Variants in SYT1 observed in about 807,000 individuals in gnomAD.
The protein encoded by SYT1 is synaptotagmin 1.
In SYT1, 8 loss-of-function variants were observed where a neutral mutation model predicts 44.8. That is an observed-to-expected ratio of 0.18 (90% confidence interval 0.10 to 0.32). The LOEUF (loss-of-function observed/expected upper bound fraction) is 0.32, where lower values mean the gene tolerates loss of function less well. Ranked by LOEUF, SYT1 falls within the 10% of genes least tolerant of loss-of-function variation. The pLI, the probability that SYT1 is intolerant of heterozygous loss-of-function variation, is 1.00. For missense variants in SYT1, 286 were observed against 509.3 expected (o/e 0.56, Z 4.22); for synonymous variants, 154 against 188.8 (o/e 0.82, Z 1.51).
At position 79,297,090 on chromosome 12, in the gene SYT1, A is replaced by T. The variant is rs565570382; in HGVS notation, c.642+854A>T. On this transcript the variant is annotated intron_variant, in intron 7 of 10. Transcript: ENST00000261205. ...GCCTTGTGTTGGCAAACATTCTGGG[A>T]TGAAATAAATTGAAAATGAGGGCAT... Among the ~76,000 whole-genome samples the T allele has an allele frequency of 3.3e-5, 5 of 152,320 alleles. No individual in the cohort carries two copies. The East Asian group carries it at 9.6e-4, about 29-fold the overall frequency.
At chr12:78,885,039 G>A (rs756842399) in intron 1 of SYT1, among the ~76,000 whole-genome samples, 4 of 151,754 alleles carry the variant, frequency 2.6e-5, no homozygotes, top group Non-Finnish European at 5.9e-5. Context: ...GATACTATTT[G>A]CTTTTAGGTC....
At chr12:79,193,667 G>T (rs1873265143) in intron 3 of SYT1, among the ~76,000 whole-genome samples, 1 of 152,120 alleles carries the variant, frequency 6.6e-6, no homozygotes, top group African/African-American at 2.4e-5. Context: ...GTTCAAGGCT[G>T]CAGTGAGCTA....
At chr12:79,403,917 T>G (rs972325226) in intron 9 of SYT1, among the ~76,000 whole-genome samples, 3 of 152,202 alleles carry the variant, frequency 2.0e-5, no homozygotes, top group Non-Finnish European at 2.9e-5. Flanking sequence ...AGTTGCTTTA[T>G]TAAAAGAATG....
chr12:79,208,651 A>G (rs1874261898), intron 3 of SYT1, among the ~76,000 whole-genome samples: 1 of 152,122 alleles, frequency 6.6e-6, no homozygotes, highest in Non-Finnish European at 1.5e-5. Flanking sequence ...TAGTAGGGGG[A>G]AAAGAGATAT....
chr12:79,120,218 A>G (rs2138129484), intron 3 of SYT1, among the ~76,000 whole-genome samples: 1 of 152,272 alleles, frequency 6.6e-6, no homozygotes, highest in East Asian at 1.9e-4. Flanking sequence ...GGACAGAGCA[A>G]TTAATTTATA....
intron 9 of SYT1, among the ~76,000 whole-genome samples, chr12:79,431,185 T>G (rs1869754556): frequency 6.6e-6 from 1 of 152,198 alleles, no homozygotes; most frequent in African/African-American, 2.4e-5. Flanking sequence ...CCATGACTAT[T>G]TAGTATGTGG....
At chr12:79,403,646 A>G (rs1885146633) in intron 9 of SYT1, among the ~76,000 whole-genome samples, 1 of 152,136 alleles carries the variant, frequency 6.6e-6, no homozygotes, top group Non-Finnish European at 1.5e-5. Flanking sequence ...TATGATCTAG[A>G]TATTAGAAAG....
chr12:79,421,859 G>A (rs575332048), intron 9 of SYT1, among the ~76,000 whole-genome samples: 14 of 152,046 alleles, frequency 9.2e-5, no homozygotes, highest in South Asian at 2.1e-4. Flanking sequence ...CTAGAACATG[G>A]TATGTTCTTT....
At chr12:78,871,575 G>T (rs998849817) in intron 1 of SYT1, among the ~76,000 whole-genome samples, 7 of 151,918 alleles carry the variant, frequency 4.6e-5, no homozygotes, top group Admixed American at 2.0e-4. Flanking sequence ...TTAGACAAAT[G>T]ATTTATTGGC....
chr12:79,104,735 C>G (rs912960321), intron 3 of SYT1, among the ~76,000 whole-genome samples: 2 of 151,406 alleles, frequency 1.3e-5, no homozygotes, highest in African/African-American at 4.9e-5. Flanking sequence ...AATTCTATTA[C>G]AATAATAAGA....
chr12:79,094,745 G>T (rs775594048), intron 3 of SYT1, among the ~76,000 whole-genome samples: 4 of 151,726 alleles, frequency 2.6e-5, no homozygotes, highest in Non-Finnish European at 1.5e-5. Flanking sequence ...AGGAGAGAAG[G>T]CAAAGAAATT....
chr12:78,964,390 G>A (rs796118560), intron 1 of SYT1, among the ~76,000 whole-genome samples: 1 of 152,172 alleles, frequency 6.6e-6, no homozygotes, highest in African/African-American at 2.4e-5. Context: ...GGGTAACAGA[G>A]AAAAGAAATC....
chr12:79,424,759 C>G (rs1371287728), intron 9 of SYT1, among the ~76,000 whole-genome samples: 1 of 151,646 alleles, frequency 6.6e-6, no homozygotes, highest in Non-Finnish European at 1.5e-5. Context: ...ATGAAATATT[C>G]TCTTAACTTC....
intron 3 of SYT1, among the ~76,000 whole-genome samples, chr12:79,154,314 A>G (rs572909714): frequency 3.5e-4 from 53 of 152,164 alleles, no homozygotes; most frequent in Middle Eastern, 3.4e-3. Context: ...GTTAACATGT[A>G]TTGAGTACTT....
intron 1 of SYT1, among the ~76,000 whole-genome samples, chr12:78,965,008 T>A (rs1163880055): frequency 5.3e-5 from 8 of 152,054 alleles, no homozygotes. Flanking sequence ...TATATTCTGA[T>A]ATGCCACTGA....
chr12:78,944,292 C>T (rs993550523), intron 1 of SYT1, among the ~76,000 whole-genome samples: 1 of 133,934 alleles, frequency 7.5e-6, no homozygotes, highest in South Asian at 2.3e-4. Flanking sequence ...ATAATGTTAG[C>T]GATTAGAGAT....
At chr12:79,006,054 C>T (rs1871057317) in intron 2 of SYT1, among the ~76,000 whole-genome samples, 1 of 152,094 alleles carries the variant, frequency 6.6e-6, no homozygotes, top group Non-Finnish European at 1.5e-5. Context: ...CTCCTAACAA[C>T]CAGATGTGAC....
intron 3 of SYT1, among the ~76,000 whole-genome samples, chr12:79,217,121 A>G (rs755179004): frequency 2.6e-5 from 4 of 152,208 alleles, no homozygotes; most frequent in African/African-American, 2.4e-5. Context: ...TTTAGAAAAT[A>G]CAAAATATTT....
At chr12:79,144,236 A>G (rs1487424837) in intron 3 of SYT1, among the ~76,000 whole-genome samples, 2 of 152,238 alleles carry the variant, frequency 1.3e-5, no homozygotes, top group East Asian at 3.8e-4. Context: ...CCTGAATCTC[A>G]AAAGTGGACA....
Sources: gnomAD v4.1 joint callset for allele counts (sites outside exome capture counted in the v4.1 genomes callset) on GRCh38, gnomAD v4.1.1 for gene constraint, MANE v1.5 for transcripts, NCBI Gene and HGNC (gene_info 2026-07-23, HGNC 2026-07-21) for gene names.